SLC35F1: variants seen among roughly 807,000 people sequenced by gnomAD.
The protein encoded by SLC35F1 is chromosome 6 open reading frame 169.
SLC35F1 carries 14 observed loss-of-function variants against 48.7 expected under a neutral mutation model. The observed-to-expected ratio is 0.29, with a 90% CI of 0.19 to 0.45. SLC35F1 has a LOEUF of 0.45. Ranked by LOEUF, SLC35F1 falls within the 20% of genes least tolerant of loss-of-function variation. The probability of loss-of-function intolerance (pLI) is 1.00; values close to 1 mark genes in which losing one functional copy is unlikely to be tolerated. For missense variants in SLC35F1, 404 were observed against 500.0 expected (o/e 0.81, Z 1.83); for synonymous variants, 190 against 202.2 (o/e 0.94, Z 0.51).
chr6:117,998,420 T>G (rs1437913694), intron 1 of SLC35F1, among the ~76,000 whole-genome samples: 2 of 152,082 alleles, frequency 1.3e-5, no homozygotes, highest in Admixed American at 6.6e-5. Flanking sequence ...CTGCACCAAG[T>G]GGACCTAATA....
intron 1 of SLC35F1, among the ~76,000 whole-genome samples, chr6:117,948,315 T>C (rs530200635): frequency 6.6e-6 from 1 of 152,338 alleles, no homozygotes; most frequent in South Asian, 2.1e-4. Flanking sequence ...TGAAAAATTA[T>C]TTAAGCTACC....
At chr6:118,277,244 T>A (rs1000576622) in intron 5 of SLC35F1, among the ~76,000 whole-genome samples, 11 of 152,138 alleles carry the variant, frequency 7.2e-5, no homozygotes, top group Admixed American at 6.5e-4. Context: ...ACTGTTTGGG[T>A]GAGAAGAGCA....
At chr6:118,235,747 A>T in intron 3 of SLC35F1, 111 bp downstream of exon 3, 1 of 1,109,106 alleles carries the variant, frequency 9.0e-7, no homozygotes, top group Non-Finnish European at 1.2e-6. Context: ...ATACTATACT[A>T]TAGTATACAG....
Position 118,285,195 on chromosome 6 carries a change from G to T in SLC35F1, c.859G>T (p.Val287Phe). Residue 287 changes from valine to phenylalanine, a missense_variant, in exon 7 of 8, where the codon GTT becomes TTT. Coordinates refer to ENST00000360388, the MANE Select transcript of SLC35F1 (RefSeq NM_001029858.4). ...PWDWQIGLLY[V>F]GFSACMFGLY... ...TACTCTTCCCCCAGGACTGCTCTACGTTGGCTTTAGTGCCTGCATGTTTGG... is the reference window on the plus strand; with the variant it reads ...TACTCTTCCCCCAGGACTGCTCTACTTTGGCTTTAGTGCCTGCATGTTTGG... The T allele has an allele frequency of 6.2e-7, 1 of 1,613,756 alleles. No individual in the cohort carries two copies. Among genetic ancestry groups the T allele is most frequent in the Non-Finnish European group, 8.5e-7 (1 of 1,179,800 alleles).
At chr6:118,052,524 A>T (rs2114911148) in intron 1 of SLC35F1, among the ~76,000 whole-genome samples, 1 of 152,324 alleles carries the variant, frequency 6.6e-6, no homozygotes, top group African/African-American at 2.4e-5. Context: ...AATATATTCA[A>T]GTGGAAACCA....
chr6:118,220,689 G>T (rs896568628), intron 2 of SLC35F1, among the ~76,000 whole-genome samples: 2 of 152,214 alleles, frequency 1.3e-5, no homozygotes, highest in African/African-American at 4.8e-5. Context: ...TCCCAGAGTG[G>T]TTATCTGTGT....
At chr6:118,311,163 C>T (rs1158702215) in intron 7 of SLC35F1, among the ~76,000 whole-genome samples, 1 of 152,194 alleles carries the variant, frequency 6.6e-6, no homozygotes, top group Non-Finnish European at 1.5e-5. Context: ...TCCTATCATA[C>T]TCCTCTGAAT....
intron 1 of SLC35F1, among the ~76,000 whole-genome samples, chr6:118,142,741 G>C (rs1454743842): frequency 6.6e-6 from 1 of 151,982 alleles, no homozygotes; most frequent in East Asian, 1.9e-4. Context: ...ATGTAATTTT[G>C]AGGCATCTTT....
chr6:118,101,083 A>G (rs991185500), intron 1 of SLC35F1, among the ~76,000 whole-genome samples: 2 of 151,680 alleles, frequency 1.3e-5, no homozygotes, highest in African/African-American at 4.8e-5. Context: ...ATTTTATGAC[A>G]TCTTTTAGGT....
At chr6:118,011,830 A>G (rs1777251594) in intron 1 of SLC35F1, among the ~76,000 whole-genome samples, 1 of 152,174 alleles carries the variant, frequency 6.6e-6, no homozygotes, top group Non-Finnish European at 1.5e-5. Flanking sequence ...TATCCAGCTC[A>G]AATTGTCAAT....
At chr6:117,970,397 C>T (rs995191033) in intron 1 of SLC35F1, among the ~76,000 whole-genome samples, 2 of 152,170 alleles carry the variant, frequency 1.3e-5, no homozygotes, top group African/African-American at 4.8e-5. Flanking sequence ...TTATAGCATT[C>T]TAGAATATAA....
chr6:118,086,581 C>T (rs968432298), intron 1 of SLC35F1, among the ~76,000 whole-genome samples: 3 of 152,176 alleles, frequency 2.0e-5, no homozygotes, highest in African/African-American at 7.2e-5. Context: ...GTTTTACTTG[C>T]AGCTACTGTT....
At chr6:117,929,128 T>G (rs752041393) in intron 1 of SLC35F1, among the ~76,000 whole-genome samples, 1 of 152,108 alleles carries the variant, frequency 6.6e-6, no homozygotes, top group Non-Finnish European at 1.5e-5. Context: ...TGACCAACTC[T>G]TCTTTCTTAC....
rs75984864 is a variant in SLC35F1, at chr6:118,173,452, G to T, written c.349+18832G>T. Reference sequence around the variant, plus strand: ...AGGTTTTAATGGCCACATATGGACCGGTGAGGCAGATTATAATTCTAAAGG... The same window carrying T: ...AGGTTTTAATGGCCACATATGGACCTGTGAGGCAGATTATAATTCTAAAGG... On this transcript the variant is annotated intron_variant, in intron 2 of 7. Coordinates refer to ENST00000360388, the MANE Select transcript of SLC35F1 (RefSeq NM_001029858.4). 9.3e-5 allele frequency among the ~76,000 whole-genome samples: 14 copies of T among 151,086 alleles called. No homozygotes were observed. The East Asian group carries it at 2.7e-3, about 29-fold the overall frequency.
chr6:118,247,103 A>G (rs1179112546), intron 3 of SLC35F1, among the ~76,000 whole-genome samples: 1 of 152,244 alleles, frequency 6.6e-6, no homozygotes, highest in Non-Finnish European at 1.5e-5. Flanking sequence ...AGGAAAATAC[A>G]TAAAGAAGAT....
chr6:118,225,288 T>C (rs754057170), intron 2 of SLC35F1, among the ~76,000 whole-genome samples: 11 of 152,218 alleles, frequency 7.2e-5, no homozygotes, highest in South Asian at 2.1e-4. Context: ...GGCATAAAAA[T>C]AGACATATAG....
intron 1 of SLC35F1, among the ~76,000 whole-genome samples, chr6:118,003,435 G>A (rs921089558): frequency 6.6e-6 from 1 of 152,194 alleles, no homozygotes; most frequent in Non-Finnish European, 1.5e-5. Flanking sequence ...ATGGCAACCT[G>A]CCGGCTGTGG....
chr6:117,995,358 A>G (rs1359040073), intron 1 of SLC35F1, among the ~76,000 whole-genome samples: 1 of 152,244 alleles, frequency 6.6e-6, no homozygotes, highest in Admixed American at 6.5e-5. Context: ...GTTAAGTTCA[A>G]TGAGGTAGGG....
intron 1 of SLC35F1, among the ~76,000 whole-genome samples, chr6:118,133,746 T>C (rs1313143011): frequency 3.9e-5 from 6 of 152,194 alleles, no homozygotes; most frequent in African/African-American, 1.4e-4. Context: ...AATATAAAAA[T>C]AGTGGGTTCT....
Sources: allele counts gnomAD v4.1 joint callset (sites outside exome capture counted in the v4.1 genomes callset), GRCh38; gene constraint gnomAD v4.1.1; transcripts MANE v1.5; gene names NCBI Gene and HGNC (gene_info 2026-07-23, HGNC 2026-07-21).